The following SUFU variants were observed in gnomAD, a reference collection of about 807,000 sequenced individuals.
The protein encoded by SUFU is suppressor of fused homolog.
In SUFU, 7 loss-of-function variants were observed where a neutral mutation model predicts 58.9. The ratio of observed to expected loss-of-function variants is 0.12; its 90% CI spans 0.07 to 0.22. SUFU has a LOEUF of 0.22. Ranked by LOEUF, SUFU falls within the 10% of genes least tolerant of loss-of-function variation. SUFU has a pLI of 1.00. For synonymous variants in SUFU, 232 were observed against 254.8 expected (o/e 0.91, Z 0.85); for missense variants, 451 against 641.3 (o/e 0.70, Z 3.20).
At position 102,504,010 on chromosome 10, in the gene SUFU, C is replaced by T. The variant is rs894744787; in HGVS notation, c.-143C>T. On this transcript the variant is annotated 5_prime_UTR_variant, in exon 1 of 12. Coordinates refer to ENST00000369902, the MANE Select transcript of SUFU (RefSeq NM_016169.4). ...GCGACAGCCTGGGCGGACAGTGCGC[C>T]GTGCGCAGGCGCGGAGCTAGACCTC... The T allele has an allele frequency of 5.1e-6, 6 of 1,178,848 alleles. No individual in the cohort carries two copies. Among genetic ancestry groups the T allele is most frequent in the Middle Eastern group, 2.9e-4 (1 of 3,426 alleles). 73.0% of individuals were successfully genotyped at this position (1,178,848 alleles called of 1,614,324 possible).
intron 6 of SUFU, among the ~76,000 whole-genome samples, chr10:102,595,994 C>G (rs1183408711): frequency 6.6e-6 from 1 of 152,210 alleles, no homozygotes; most frequent in Non-Finnish European, 1.5e-5. Flanking sequence ...AGACTATCCC[C>G]TGAGCACACC....
intron 10 of SUFU, among the ~76,000 whole-genome samples, chr10:102,620,656 TG>T (rs2063732137): frequency 1.3e-5 from 2 of 152,228 alleles, no homozygotes; most frequent in African/African-American, 4.8e-5. Context: ...ATTCCGGGGC[TG>T]TGCAGGAGGC....
chr10:102,593,748 C>T (rs369221132), intron 5 of SUFU, 27 bp downstream of exon 5: 150 of 1,605,278 alleles, frequency 9.3e-5, no homozygotes, highest in South Asian at 2.6e-4. Flanking sequence ...GGTGGGAGCG[C>T]GGCTCCCTGG....
chr10:102,598,557 C>T (rs1222034806), intron 7 of SUFU, among the ~76,000 whole-genome samples: 1 of 152,142 alleles, frequency 6.6e-6, no homozygotes, highest in Admixed American at 6.6e-5. Flanking sequence ...TTGCTTTTGA[C>T]AAAAGAGGTG....
intron 2 of SUFU, among the ~76,000 whole-genome samples, chr10:102,543,200 C>A (rs1005526273): frequency 6.6e-6 from 1 of 152,150 alleles, no homozygotes; most frequent in African/African-American, 2.4e-5. Context: ...GTGTCTCTTC[C>A]CCCACAACCT....
chr10:102,619,398 C>A lies in SUFU; in HGVS notation c.1296+1970C>A, dbSNP rs531695807. 4 of 1,378,176 alleles carry A rather than the reference C, an allele frequency of 2.9e-6. No individual in the cohort carries two copies. Among genetic ancestry groups the A allele is most frequent in the Non-Finnish European group, 3.8e-6 (4 of 1,064,738 alleles). The allele number at this position is 1,378,176 out of a possible 1,614,324, so 85.4% of individuals were successfully genotyped here. On this transcript the variant is annotated intron_variant, in intron 10 of 11. Coordinates refer to ENST00000369902, the MANE Select transcript of SUFU (RefSeq NM_016169.4). The surrounding 1 kb of genome is among the most constrained non-coding windows in gnomAD (Gnocchi z 4.2). ...TGGGCTGTTGCCCAGGGAACCGGGG[C>A]GCGGTGGGAACGAGCTGCTGGCCTC...
chr10:102,502,847 G>GA (rs1290749594), upstream of SUFU: 1 of 599,442 alleles, frequency 1.7e-6, no homozygotes, highest in African/African-American at 1.9e-5. Context: ...CCTAGTTTAA[G>GA]ATTGGGAGTC....
At chr10:102,614,607 G>A (rs1404697733) in intron 8 of SUFU, among the ~76,000 whole-genome samples, 1 of 150,462 alleles carries the variant, frequency 6.6e-6, no homozygotes, top group Non-Finnish European at 1.5e-5. Context: ...TGGGTGCAGT[G>A]GCTCACGCCT....
At chr10:102,550,996 G>A (rs1411678890) in intron 3 of SUFU, among the ~76,000 whole-genome samples, 3 of 151,984 alleles carry the variant, frequency 2.0e-5, no homozygotes, top group South Asian at 2.1e-4. Context: ...TGCCCGCCTC[G>A]CCTCCCAAAG....
Position 102,575,055 on chromosome 10 carries a change from C to CAA in SUFU, c.455-17513_455-17512dup, listed in dbSNP as rs201602686. Among the ~76,000 whole-genome samples, 9 of 121,770 alleles carry CAA rather than the reference C, an allele frequency of 7.4e-5. No individual in the cohort carries two copies. In the South Asian group the frequency reaches 1.2e-3, roughly 16 times the overall value. 79.9% of individuals were successfully genotyped at this position (121,770 alleles called of 152,430 possible). ...TGGGTGACAGAGCAAGACTCTGTCT[C>CAA]AAAAAAAAAAAAAAATTAGGCATGG... On this transcript the variant is annotated intron_variant, in intron 3 of 11. Transcript: ENST00000369902.
intron 3 of SUFU, among the ~76,000 whole-genome samples, chr10:102,580,491 G>A (rs2063265451): frequency 6.6e-6 from 1 of 152,112 alleles, no homozygotes; most frequent in Non-Finnish European, 1.5e-5. Context: ...CTTTGGCTTG[G>A]GGAGGGGGTA....
chr10:102,593,751 C>T, intron 5 of SUFU, 30 bp downstream of exon 5: 2 of 1,608,482 alleles, frequency 1.2e-6, no homozygotes, highest in Non-Finnish European at 8.5e-7. Flanking sequence ...GGGAGCGCGG[C>T]TCCCTGGGCC....
At chr10:102,595,635 G>A (rs2063453762) in intron 6 of SUFU, among the ~76,000 whole-genome samples, 1 of 152,112 alleles carries the variant, frequency 6.6e-6, no homozygotes, top group Non-Finnish European at 1.5e-5. Flanking sequence ...GCAGCCCACA[G>A]GACCCGGAGC....
rs190278633 is a variant in SUFU at position 102,519,992 on chromosome 10, G to T, written c.317+10689G>T. Reference sequence around the variant, plus strand: ...TCGCCATGTTGGCCAGGCTGGTCTTGAACTCCTGACCTCAGGTGATCTGCC... The same window carrying T: ...TCGCCATGTTGGCCAGGCTGGTCTTTAACTCCTGACCTCAGGTGATCTGCC... On this transcript the variant is annotated intron_variant, in intron 2 of 11. Coordinates refer to ENST00000369902, the MANE Select transcript of SUFU (RefSeq NM_016169.4). Among the ~76,000 whole-genome samples, 232 of 151,984 alleles carry T rather than the reference G, an allele frequency of 1.5e-3. 1 individual carries two copies. The highest frequency in any genetic ancestry group is 5.4e-3 in the African/African-American group (224 of 41,458).
At chr10:102,502,841 G>A (rs1195677271), upstream of SUFU, 3 of 600,758 alleles carry the variant, frequency 5.0e-6, no homozygotes, top group East Asian at 2.8e-5. Flanking sequence ...TGCCCGCCTA[G>A]TTTAAGATTG....
intron 2 of SUFU, among the ~76,000 whole-genome samples, chr10:102,511,129 A>G (rs897795380): frequency 2.2e-5 from 3 of 133,418 alleles, no homozygotes; most frequent in Non-Finnish European, 4.8e-5. Flanking sequence ...CTCAAAAAAA[A>G]AAAAAAAAGT....
intron 3 of SUFU, among the ~76,000 whole-genome samples, chr10:102,585,232 A>C (rs1311757147): frequency 6.6e-6 from 1 of 152,158 alleles, no homozygotes; most frequent in Non-Finnish European, 1.5e-5. Flanking sequence ...GTCACTCCCT[A>C]TTCCCTCCAA....
At chr10:102,577,616 G>A (rs1042818928) in intron 3 of SUFU, among the ~76,000 whole-genome samples, 1 of 151,988 alleles carries the variant, frequency 6.6e-6, no homozygotes, top group African/African-American at 2.4e-5. Context: ...TAGGATTACA[G>A]GCGTGAGCCA....
chr10:102,599,543 C>G lies in SUFU; in HGVS notation c.1021C>G (p.Pro341Ala), dbSNP rs2063496822. ...RQNGLAHDRA[P>A]SRKDSLESDS... ...GAATGGCCTCGCCCACGACCGGGCC[C>G]CGTAAGTTCCCCAGTGTCCCTGGGC... The change falls in exon 8 of 12, where the codon CCG (proline) becomes GCG (alanine). Residue 341 changes from proline (P) to alanine (A), a missense_variant and splice_region_variant. By Grantham distance (27) the Pro-to-Ala change is conservative (BLOSUM62 -1). Transcript: ENST00000369902. 6.2e-7 allele frequency: 1 copy of G among 1,613,858 alleles called. No individual in the cohort carries two copies. The highest frequency in any genetic ancestry group is 1.7e-4 in the Middle Eastern group (1 of 6,060).
Sources: gnomAD v4.1 joint callset for allele counts (sites outside exome capture counted in the v4.1 genomes callset) on GRCh38, gnomAD v4.1.1 for gene constraint, Gnocchi (gnomAD v3.1) non-coding constraint, MANE v1.5 for transcripts, NCBI Gene and HGNC (gene_info 2026-07-23, HGNC 2026-07-21) for gene names.